The following ARHGEF7 variants were observed in gnomAD, a reference collection of about 807,000 sequenced individuals.
The protein encoded by ARHGEF7 is Rho guanine nucleotide exchange factor 7.
ARHGEF7 carries 33 observed loss-of-function variants against 109.8 expected under a neutral mutation model. The observed-to-expected ratio is 0.30, with a 90% CI of 0.23 to 0.40. The LOEUF (loss-of-function observed/expected upper bound fraction) is 0.40. ARHGEF7 is among the 10% of genes least tolerant of loss of function. The probability of loss-of-function intolerance (pLI) is 1.00; values close to 1 mark genes in which losing one functional copy is unlikely to be tolerated. For synonymous variants in ARHGEF7, 458 were observed against 424.6 expected, an observed-to-expected ratio of 1.08 and a Z score of -0.97; for missense variants, 938 against 1,098.5, an observed-to-expected ratio of 0.85 and a Z score of 2.07.
At chr13:111,241,037 A>C in intron 6 of ARHGEF7, 1 of 1,037,650 alleles carries the variant, frequency 9.6e-7, no homozygotes, top group Non-Finnish European at 1.3e-6. Context: ...CACAGCAGTG[A>C]GTCCTCTTTG....
chr13:111,238,400 A>G (rs2087140306), intron 6 of ARHGEF7, among the ~76,000 whole-genome samples: 1 of 152,184 alleles, frequency 6.6e-6, no homozygotes, highest in Non-Finnish European at 1.5e-5. Flanking sequence ...GCCTCCAGCA[A>G]AGTGCTGGAC....
chr13:111,153,077 T>C (rs1293239884), intron 1 of ARHGEF7, among the ~76,000 whole-genome samples: 2 of 152,280 alleles, frequency 1.3e-5, no homozygotes, highest in Non-Finnish European at 2.9e-5. Flanking sequence ...GTGGCTTATA[T>C]TTGGGAAAAC....
intron 2 of ARHGEF7, among the ~76,000 whole-genome samples, chr13:111,184,009 G>C (rs563291753): frequency 6.6e-6 from 1 of 152,188 alleles, no homozygotes; most frequent in Admixed American, 6.5e-5. Context: ...GTGTGACTCT[G>C]TCCCCACCCA....
At chr13:111,116,549 G>T (rs1419117178) in intron 1 of ARHGEF7, 1 of 137,752 alleles carries the variant, frequency 7.3e-6, no homozygotes, top group Non-Finnish European at 1.5e-5. Flanking sequence ...TATTCCCAGG[G>T]TGTTTCTTCG....
At chr13:111,278,970 G>C (rs1567056798) in intron 13 of ARHGEF7, among the ~76,000 whole-genome samples, 1 of 152,214 alleles carries the variant, frequency 6.6e-6, no homozygotes, top group African/African-American at 2.4e-5. Context: ...TCTTAGCACA[G>C]TGGTGACCCA....
At chr13:111,188,019 T>G (rs146601972) in intron 2 of ARHGEF7, among the ~76,000 whole-genome samples, 136 of 152,348 alleles carry the variant, frequency 8.9e-4, no homozygotes, top group African/African-American at 3.1e-3. Flanking sequence ...GATGACTCAT[T>G]TCTTATGAAC....
chr13:111,135,692 T>G (rs972753373), intron 1 of ARHGEF7, among the ~76,000 whole-genome samples: 5 of 152,236 alleles, frequency 3.3e-5, no homozygotes, highest in Non-Finnish European at 7.3e-5. Context: ...AAGGAGATTT[T>G]GGGCTGAGAC....
intron 3 of ARHGEF7, among the ~76,000 whole-genome samples, chr13:111,208,092 GTGCAATGGC>G (rs1004192164): frequency 6.6e-6 from 1 of 152,224 alleles, no homozygotes; most frequent in African/African-American, 2.4e-5. Context: ...CCAGGCTGGA[GTGCAATGGC>G]ATGATCTTGG....
chr13:111,204,150 C>T (rs1423795382), intron 2 of ARHGEF7, among the ~76,000 whole-genome samples: 1 of 151,956 alleles, frequency 6.6e-6, no homozygotes, highest in Non-Finnish European at 1.5e-5. Flanking sequence ...TAAGGATTAG[C>T]CAGGAAAGGG....
At position 111,272,273 on chromosome 13, in the gene ARHGEF7, C is replaced by G. The variant is rs919716725; in HGVS notation, c.1074-1541C>G. Among the ~76,000 whole-genome samples, 7 of 152,278 alleles carry G rather than the reference C, an allele frequency of 4.6e-5. No homozygotes were observed. Among genetic ancestry groups the G allele is most frequent in the Admixed American group, 1.3e-4 (2 of 15,304 alleles). On this transcript the variant is annotated intron_variant, in intron 9 of 21. Transcript: ENST00000646102. This position sits in a 1 kb window ranked among gnomAD's most constrained non-coding sequence, Gnocchi z 5.2. ...TGAACTCTCTGAAACTGTTAATGTTCACTATTTGTGGACTCAGTTTCCTCT... is the reference window on the plus strand; with the variant it reads ...TGAACTCTCTGAAACTGTTAATGTTGACTATTTGTGGACTCAGTTTCCTCT...
At chr13:111,184,143 G>A (rs2079022790) in intron 2 of ARHGEF7, among the ~76,000 whole-genome samples, 1 of 152,146 alleles carries the variant, frequency 6.6e-6, no homozygotes, top group Non-Finnish European at 1.5e-5. Flanking sequence ...GAGATCTGAT[G>A]GTTTTATAAG....
Position 111,153,928 on chromosome 13 carries a change from G to A in ARHGEF7, c.189G>A (p.Glu63=), listed in dbSNP as rs747466663. 1.9e-6 allele frequency: 3 copies of A among 1,605,634 alleles called. No homozygotes were observed. The highest frequency in any genetic ancestry group is 2.5e-6 in the Non-Finnish European group (3 of 1,177,320). Residue 63 remains glutamate (E), a synonymous_variant, in exon 2 of 22, where the codon GAG becomes GAA. Coordinates refer to ENST00000646102, the MANE Select transcript of ARHGEF7 (RefSeq NM_001354046.2). ...AGGTCTACCCCGAGCCCCGGAGCGA[G>A]AGCGAGTGCCTGAGCAACATCCGCG... ...IEKVYPEPRS[E]SECLSNIREF...
At chr13:111,241,034 G>C in intron 6 of ARHGEF7, 1 of 1,024,956 alleles carries the variant, frequency 9.8e-7, no homozygotes, top group Non-Finnish European at 1.4e-6. Context: ...AGGCACAGCA[G>C]TGAGTCCTCT....
At chr13:111,295,021 A>G in intron 19 of ARHGEF7, 1 of 985,846 alleles carries the variant, frequency 1.0e-6, no homozygotes, top group Non-Finnish European at 1.2e-6. Context: ...GGGAAAAGCC[A>G]TTTTTAGTAG....
intron 1 of ARHGEF7, among the ~76,000 whole-genome samples, chr13:111,141,632 ATT>A (rs34263315): frequency 3.4e-5 from 5 of 146,240 alleles, no homozygotes; most frequent in Non-Finnish European, 7.5e-5. Flanking sequence ...GTTCCTCCAT[ATT>A]TTTTTTTTTT....
intron 5 of ARHGEF7, among the ~76,000 whole-genome samples, chr13:111,224,018 G>A (rs951026021): frequency 2.0e-5 from 3 of 151,978 alleles, no homozygotes; most frequent in Admixed American, 6.6e-5. Context: ...CACCACGCCC[G>A]GCTAATTTGT....
At chr13:111,267,520 T>A (rs181048090) in intron 8 of ARHGEF7, 28 bp from the exon 9 acceptor site, 1 of 1,612,812 alleles carries the variant, frequency 6.2e-7, no homozygotes, top group East Asian at 2.2e-5. Flanking sequence ...AACTGATGAC[T>A]ATTTCCCTTT....
intron 19 of ARHGEF7, chr13:111,293,753 G>A (rs1438484754): frequency 7.1e-6 from 7 of 985,242 alleles, no homozygotes; most frequent in Middle Eastern, 5.2e-4. Context: ...AATTCCAGGT[G>A]GCCGTGATTT....
chr13:111,240,082 C>T (rs941425995), intron 6 of ARHGEF7, among the ~76,000 whole-genome samples: 3 of 152,084 alleles, frequency 2.0e-5, no homozygotes, highest in South Asian at 2.1e-4. Flanking sequence ...GGAAACAGAC[C>T]GATAGACTTG....
Sources: allele counts gnomAD v4.1 joint callset (sites outside exome capture counted in the v4.1 genomes callset), GRCh38; gene constraint gnomAD v4.1.1; non-coding constraint Gnocchi (gnomAD v3.1); transcripts MANE v1.5; gene names NCBI Gene and HGNC (gene_info 2026-07-23, HGNC 2026-07-21).